Variants in TNRC6B observed in about 807,000 individuals in gnomAD.
The protein encoded by TNRC6B is trinucleotide repeat-containing gene 6B protein.
A neutral mutation model predicts 203.6 loss-of-function variants in TNRC6B; 52 were observed. The observed-to-expected ratio is 0.26, with a 90% confidence interval of 0.20 to 0.32. The LOEUF (loss-of-function observed/expected upper bound fraction) is 0.32, where lower values mean the gene tolerates loss of function less well. Ranked by LOEUF, TNRC6B falls within the 10% of genes least tolerant of loss-of-function variation. The pLI, the probability that TNRC6B is intolerant of heterozygous loss-of-function variation, is 1.00. For missense variants in TNRC6B, 1,923 were observed against 2,286.2 expected (o/e 0.84, Z 3.24); for synonymous variants, 838 against 845.7 (o/e 0.99, Z 0.16).
At chr22:40,254,760 GCCTGTAGTCCC>G (rs1455886937) in intron 3 of TNRC6B, among the ~76,000 whole-genome samples, 1 of 152,088 alleles carries the variant, frequency 6.6e-6, no homozygotes, top group Non-Finnish European at 1.5e-5. Flanking sequence ...GGTGGCATGT[GCCTGTAGTCCC>G]AACTACTCAG....
chr22:40,070,852 C>T (rs1176262462), intron 1 of TNRC6B, among the ~76,000 whole-genome samples: 1 of 151,888 alleles, frequency 6.6e-6, no homozygotes, highest in Non-Finnish European at 1.5e-5. Flanking sequence ...AGAGGCAGCA[C>T]TTCAGAGTCA....
intron 1 of TNRC6B, among the ~76,000 whole-genome samples, chr22:40,238,311 A>G (rs2069976154): frequency 6.6e-6 from 1 of 152,180 alleles, no homozygotes; most frequent in African/African-American, 2.4e-5. Flanking sequence ...ACAGCTGAGG[A>G]GAGAGGCGGG....
rs1211386994 is a variant in TNRC6B at position 40,191,923 on chromosome 22, G to A, written c.5+13783G>A. Among the ~76,000 whole-genome samples, 7 of 152,282 alleles carry A rather than the reference G, an allele frequency of 4.6e-5. 1 individual carries two copies. The South Asian group carries it at 1.5e-3, about 32-fold the overall frequency. On this transcript the variant is annotated intron_variant, in intron 1 of 22. Transcript: ENST00000454349. ...GCACCACCATGCCCAGCTAATTTTT[G>A]TATTTTTAGTAGAGACGGGGTTTCG...
At chr22:40,109,666 C>T (rs1420858697) in intron 1 of TNRC6B, among the ~76,000 whole-genome samples, 3 of 152,138 alleles carry the variant, frequency 2.0e-5, no homozygotes. Flanking sequence ...TGAGGTCCTC[C>T]ATAATTTTCG....
intron 12 of TNRC6B, among the ~76,000 whole-genome samples, chr22:40,291,383 A>T (rs1455685394): frequency 1.4e-5 from 2 of 147,508 alleles, no homozygotes; most frequent in Non-Finnish European, 3.0e-5. Context: ...ATCCTGTCTT[A>T]AAAAAAAAAA....
intron 1 of TNRC6B, among the ~76,000 whole-genome samples, chr22:40,072,314 G>A (rs1031621836): frequency 6.6e-6 from 1 of 152,118 alleles, no homozygotes; most frequent in Non-Finnish European, 1.5e-5. Context: ...CTTAAGAAAC[G>A]GGGTGTTGGC....
intron 1 of TNRC6B, among the ~76,000 whole-genome samples, chr22:40,076,658 C>T (rs1196407967): frequency 6.6e-6 from 1 of 152,058 alleles, no homozygotes; most frequent in East Asian, 1.9e-4. Flanking sequence ...CCACCTAAGC[C>T]TCTCAAAGTG....
chr22:40,298,022 G>A (rs1438968794), intron 12 of TNRC6B, among the ~76,000 whole-genome samples: 1 of 151,358 alleles, frequency 6.6e-6, no homozygotes, highest in Admixed American at 6.6e-5. Context: ...CTATTCGGGA[G>A]GCTAAGGCAG....
intron 16 of TNRC6B, among the ~76,000 whole-genome samples, chr22:40,309,424 A>G: frequency 6.6e-6 from 1 of 152,244 alleles, no homozygotes; most frequent in Non-Finnish European, 1.5e-5. Flanking sequence ...GGTTTCCTTT[A>G]TAAACCACTC....
chr22:40,079,008 A>T, intron 1 of TNRC6B, among the ~76,000 whole-genome samples: 1 of 151,932 alleles, frequency 6.6e-6, no homozygotes, highest in Middle Eastern at 3.4e-3. Flanking sequence ...CGGGAGGCAG[A>T]GGTTGCAGTG....
chr22:40,264,638 G>A (rs1433778921), intron 4 of TNRC6B, 50 bp from the exon 5 acceptor site: 2 of 1,523,820 alleles, frequency 1.3e-6, no homozygotes, highest in Non-Finnish European at 1.8e-6. Flanking sequence ...GGGATTAATG[G>A]GTAATGAATG....
At chr22:40,296,457 G>A (rs1159859886) in intron 12 of TNRC6B, among the ~76,000 whole-genome samples, 1 of 150,252 alleles carries the variant, frequency 6.7e-6, no homozygotes, top group Non-Finnish European at 1.5e-5. Flanking sequence ...TCAGTCTCCC[G>A]AGTAGCTGGG....
At chr22:40,196,876 G>T (rs969507316) in intron 1 of TNRC6B, among the ~76,000 whole-genome samples, 3 of 152,070 alleles carry the variant, frequency 2.0e-5, no homozygotes, top group Non-Finnish European at 4.4e-5. Flanking sequence ...TGCCTATTAT[G>T]CTGCACACAC....
At chr22:40,134,530 C>A (rs931045229) in intron 3 of TNRC6B, among the ~76,000 whole-genome samples, 3 of 152,110 alleles carry the variant, frequency 2.0e-5, no homozygotes, top group Non-Finnish European at 4.4e-5. Context: ...AAAAACTAAG[C>A]AAATTTAATA....
At chr22:40,308,355 G>A (rs924381163) in intron 15 of TNRC6B, among the ~76,000 whole-genome samples, 157 bp from the exon 16 acceptor site, 2 of 152,238 alleles carry the variant, frequency 1.3e-5, no homozygotes, top group African/African-American at 4.8e-5. Context: ...GCGAGCAAGA[G>A]CCAAGATCAA....
At chr22:40,173,799 T>TATATATAA (rs2069029332), upstream of TNRC6B, among the ~76,000 whole-genome samples, 4 of 51,052 alleles carry the variant, frequency 7.8e-5, no homozygotes, top group Non-Finnish European at 1.3e-4. Flanking sequence ...ATATATTTTT[T>TATATATAA]TTTTTTTTTT....
chr22:40,213,903 T>C (rs1379075923), intron 1 of TNRC6B, among the ~76,000 whole-genome samples: 1 of 152,072 alleles, frequency 6.6e-6, no homozygotes, highest in Non-Finnish European at 1.5e-5. Context: ...GAGAGAATAA[T>C]ATGTAAGCTC....
Position 40,265,475 on chromosome 22 carries a change from A to G in TNRC6B, c.1245A>G (p.Gly415=). 1.2e-6 allele frequency: 2 copies of G among 1,613,930 alleles called. No individual in the cohort carries two copies. The highest frequency in any genetic ancestry group is 1.7e-5 in the Admixed American group (1 of 60,012). The change falls in exon 5 of 23, where the codon GGA becomes GGG. Residue 415 remains glycine (G), a synonymous_variant. Transcript: ENST00000454349. The part of the protein sequence containing the change: ...RSTDAPSQST[G]DRKTGSVGSW... ...CTGATGCCCCTTCACAAAGCACTGG[A>G]GATCGAAAGACTGGGAGTGTTGGAT...
At chr22:40,078,292 T>C (rs1454899289) in intron 1 of TNRC6B, among the ~76,000 whole-genome samples, 1 of 152,050 alleles carries the variant, frequency 6.6e-6, no homozygotes, top group Non-Finnish European at 1.5e-5. Flanking sequence ...CTTTGAGAGG[T>C]GGGAAGATTG....
Sources: allele counts gnomAD v4.1 joint callset (sites outside exome capture counted in the v4.1 genomes callset), GRCh38; gene constraint gnomAD v4.1.1; transcripts MANE v1.5; gene names NCBI Gene and HGNC (gene_info 2026-07-23, HGNC 2026-07-21).